ZDHHC2: variants seen among roughly 807,000 people sequenced by gnomAD.
The protein encoded by ZDHHC2 is zDHHC palmitoyltransferase 2.
In ZDHHC2, 51 loss-of-function variants were observed where a neutral mutation model predicts 55.6. That is an observed-to-expected ratio of 0.92 (90% CI 0.73 to 1.16). The LOEUF (loss-of-function observed/expected upper bound fraction) is 1.16. Ranked by LOEUF, ZDHHC2 falls within the 50% of genes most tolerant of loss-of-function variation. The probability of loss-of-function intolerance (pLI) is 0.00; values close to 1 mark genes in which losing one functional copy is unlikely to be tolerated. For synonymous variants in ZDHHC2, 199 were observed against 152.9 expected (o/e 1.30, Z -2.22); for missense variants, 491 against 442.4 (o/e 1.11, Z -0.99).
chr8:17,189,677 G>C (rs1004569513), intron 3 of ZDHHC2, among the ~76,000 whole-genome samples: 1 of 152,186 alleles, frequency 6.6e-6, no homozygotes. Context: ...TGGGAGAGTA[G>C]AGAAGGTTTG....
intron 9 of ZDHHC2, 35 bp from the exon 10 acceptor site, chr8:17,210,353 T>C (rs1563168630): frequency 6.3e-7 from 1 of 1,591,040 alleles, no homozygotes; most frequent in Non-Finnish European, 8.6e-7. Flanking sequence ...TTGTCTTTTG[T>C]ATGGTTCAGT....
rs138370065 is a variant in ZDHHC2, at chr8:17,207,208, A to G, written c.598-752A>G. Among the ~76,000 whole-genome samples, 344 of 152,350 alleles carry G rather than the reference A, an allele frequency of 2.3e-3. 1 individual carries two copies. Among genetic ancestry groups the G allele is most frequent in the Middle Eastern group, 0.01 (3 of 294 alleles). ...TATTGGAATCTCAGGACCATTTATCAGAAGAGACACCTCGTGGCAGCCATG... is the reference window on the plus strand; with the variant it reads ...TATTGGAATCTCAGGACCATTTATCGGAAGAGACACCTCGTGGCAGCCATG... On this transcript the variant is annotated intron_variant, in intron 7 of 12. Coordinates refer to ENST00000262096, the MANE Select transcript of ZDHHC2 (RefSeq NM_016353.5).
intron 1 of ZDHHC2, chr8:17,157,549 G>C (rs940731022): frequency 2.6e-5 from 4 of 152,260 alleles, no homozygotes; most frequent in African/African-American, 9.6e-5. Flanking sequence ...AGTGGCTCCA[G>C]TCCGAGTTCG....
intron 1 of ZDHHC2, among the ~76,000 whole-genome samples, chr8:17,176,428 A>C (rs1161714384): frequency 6.6e-6 from 1 of 152,166 alleles, no homozygotes; most frequent in Non-Finnish European, 1.5e-5. Flanking sequence ...TGTTAGAATG[A>C]CTTTTGCCTT....
intron 2 of ZDHHC2, among the ~76,000 whole-genome samples, chr8:17,185,935 T>C (rs1805684050): frequency 6.6e-6 from 1 of 152,358 alleles, no homozygotes; most frequent in African/African-American, 2.4e-5. Flanking sequence ...CTTTGTTATC[T>C]GTGTCAGTAA....
intron 1 of ZDHHC2, among the ~76,000 whole-genome samples, chr8:17,184,277 G>T (rs531590132): frequency 3.3e-5 from 5 of 152,320 alleles, no homozygotes; most frequent in African/African-American, 9.6e-5. Context: ...GCCTTTCGTT[G>T]TGCAACAGGG....
At chr8:17,157,082 C>T (rs868329527) in intron 1 of ZDHHC2, among the ~76,000 whole-genome samples, 4 of 152,084 alleles carry the variant, frequency 2.6e-5, no homozygotes, top group African/African-American at 9.7e-5. Flanking sequence ...GCCTCCGCCC[C>T]GCACTCGCCG....
chr8:17,158,249 G>A lies in ZDHHC2; in HGVS notation c.130+1396G>A, dbSNP rs1044857906. On this transcript the variant is annotated intron_variant, in intron 1 of 12. Coordinates refer to ENST00000262096, the MANE Select transcript of ZDHHC2 (RefSeq NM_016353.5). ...TTAACTGTTAATCTTAAAATAGCTT[G>A]CCTTATTGAGATAGACTGTATATGT... Among the ~76,000 whole-genome samples the A allele has an allele frequency of 2.0e-5, 3 of 152,174 alleles. No homozygotes were observed. In the South Asian group the frequency reaches 6.2e-4, roughly 32 times the overall value.
intron 1 of ZDHHC2, among the ~76,000 whole-genome samples, chr8:17,182,312 A>G (rs1805470057): frequency 6.6e-6 from 1 of 152,176 alleles, no homozygotes; most frequent in Admixed American, 6.5e-5. Context: ...ATAATCATTC[A>G]CATAGAAGAG....
intron 1 of ZDHHC2, among the ~76,000 whole-genome samples, chr8:17,172,320 C>G (rs561262518): frequency 6.6e-6 from 1 of 152,106 alleles, no homozygotes; most frequent in South Asian, 2.1e-4. Context: ...ACTTTTAATT[C>G]GTCTCAAAGT....
chr8:17,164,418 G>A (rs936692416), intron 1 of ZDHHC2, among the ~76,000 whole-genome samples: 1 of 151,938 alleles, frequency 6.6e-6, no homozygotes, highest in Non-Finnish European at 1.5e-5. Flanking sequence ...TGGATGGCTG[G>A]GTTTTATTTC....
chr8:17,223,001 G>C lies in ZDHHC2; in HGVS notation c.*2780G>C, dbSNP rs1807984925. 6.6e-6 allele frequency: 1 copy of C among 151,762 alleles called. No homozygotes were observed. Among genetic ancestry groups the C allele is most frequent in the Non-Finnish European group, 1.5e-5 (1 of 67,790 alleles). The allele number at this position is 151,762 out of a possible 1,614,324, so 9.4% of individuals were successfully genotyped here. ...AACTATTGGAAATATGGCATATGTT[G>C]ACAAACACTTAACTAGGGAAATCAA... On this transcript the variant is annotated 3_prime_UTR_variant, in exon 13 of 13. Transcript: ENST00000262096.
intron 4 of ZDHHC2, among the ~76,000 whole-genome samples, chr8:17,195,970 A>G (rs1462898443): frequency 6.6e-6 from 1 of 152,180 alleles, no homozygotes; most frequent in Non-Finnish European, 1.5e-5. Flanking sequence ...ATTTAATTTA[A>G]GGCAGCAGTA....
At chr8:17,158,149 C>G (rs1008360157) in intron 1 of ZDHHC2, among the ~76,000 whole-genome samples, 1 of 151,962 alleles carries the variant, frequency 6.6e-6, no homozygotes, top group Non-Finnish European at 1.5e-5. Context: ...CAGGCATTAT[C>G]ATGAGGATGC....
chr8:17,189,827 T>C lies in ZDHHC2; in HGVS notation c.252+3402T>C, dbSNP rs1309740572. Among the ~76,000 whole-genome samples, 6 of 152,344 alleles carry C rather than the reference T, an allele frequency of 3.9e-5. 1 individual carries two copies. In the South Asian group the frequency reaches 1.0e-3, roughly 26 times the overall value. ...TTGTGTGATTTTTCTACAAAAGACG[T>C]ACCTTAGTCATACAACTGTTTGAGA... On this transcript the variant is annotated intron_variant, in intron 3 of 12. Coordinates refer to ENST00000262096, the MANE Select transcript of ZDHHC2 (RefSeq NM_016353.5).
intron 6 of ZDHHC2, among the ~76,000 whole-genome samples, chr8:17,200,384 A>G: frequency 6.6e-6 from 1 of 152,168 alleles, no homozygotes; most frequent in East Asian, 1.9e-4. Flanking sequence ...AACTGCATCC[A>G]AGTTCTTGTC....
rs1444646745 is a variant in ZDHHC2 at position 17,199,591 on chromosome 8, T to C, written c.476+1178T>C. ...TCGTCTTTGTCTTCTTCTTCTTCTT[T>C]CTTCTTCTTTATTCTTTCTTCTTCT... is the stretch of plus-strand genomic sequence containing the variant. On this transcript the variant is annotated intron_variant, in intron 6 of 12. Coordinates refer to ENST00000262096, the MANE Select transcript of ZDHHC2 (RefSeq NM_016353.5). Among the ~76,000 whole-genome samples, 11 of 46,808 alleles carry C rather than the reference T, an allele frequency of 2.4e-4. 1 individual carries two copies. The highest frequency in any genetic ancestry group is 2.2e-3 in the East Asian group (7 of 3,140). 30.7% of individuals were successfully genotyped at this position (46,808 alleles called of 152,430 possible).
intron 6 of ZDHHC2, 121 bp from the exon 7 acceptor site, chr8:17,205,534 G>A: frequency 4.3e-6 from 5 of 1,153,212 alleles, no homozygotes; most frequent in Admixed American, 2.9e-5. Flanking sequence ...AATCTTATGA[G>A]TTATATTTAA....
chr8:17,198,670 T>G (rs1806451932), intron 6 of ZDHHC2, among the ~76,000 whole-genome samples: 1 of 152,226 alleles, frequency 6.6e-6, no homozygotes, highest in South Asian at 2.1e-4. Context: ...AAGGATTTTG[T>G]TTGTATGCAT....
Sources: gnomAD v4.1 joint callset for allele counts (sites outside exome capture counted in the v4.1 genomes callset) on GRCh38, gnomAD v4.1.1 for gene constraint, MANE v1.5 for transcripts, NCBI Gene and HGNC (gene_info 2026-07-23, HGNC 2026-07-21) for gene names.